C17orf75: variants seen among roughly 807,000 people sequenced by gnomAD.
C17orf75 encodes chromosome 17 open reading frame 75.
C17orf75 carries 32 observed loss-of-function variants against 49.6 expected under a neutral mutation model. That is an observed-to-expected ratio of 0.65 (90% CI 0.49 to 0.87). C17orf75 has a LOEUF of 0.87. Ranked by LOEUF, C17orf75 falls within the 40% of genes least tolerant of loss-of-function variation. The pLI is 0.00. For missense variants in C17orf75, 428 were observed against 473.9 expected (o/e 0.90, Z 0.90); for synonymous variants, 158 against 159.5 (o/e 0.99, Z 0.07).
Position 32,339,910 on chromosome 17 carries a change from A to G in C17orf75, c.250T>C (p.Ser84Pro). 6.2e-7 allele frequency: 1 copy of G among 1,614,018 alleles called. No individual in the cohort carries two copies. Among genetic ancestry groups the G allele is most frequent in the Non-Finnish European group, 8.5e-7 (1 of 1,179,878 alleles). Residue 84 changes from serine to proline, a missense_variant, in exon 3 of 10, where the codon TCC becomes CCC. Physicochemically the swap from Ser to Pro is moderately conservative, Grantham distance 74. Transcript: ENST00000577809. ...CTGCGCAGCTCTGGCTCCACTTCGG[A>G]TGGTAGATTAGTATCTGCCAAGGAG... is the stretch of plus-strand genomic sequence containing the variant. ...SLSLADTNLPSEVEPELRSFI... is the reference protein window; with the variant it reads ...SLSLADTNLPPEVEPELRSFI...
intron 6 of C17orf75, 40 bp downstream of exon 6, chr17:32,335,283 A>T (rs2041313689): frequency 6.2e-7 from 1 of 1,606,514 alleles, no homozygotes; most frequent in Non-Finnish European, 8.5e-7. Flanking sequence ...ATCCAAAGTG[A>T]TTCTCAGTTA....
upstream of C17orf75, chr17:32,343,576 G>A (rs895853173): frequency 2.5e-6 from 1 of 401,622 alleles, no homozygotes; most frequent in African/African-American, 2.1e-5. Context: ...TATCAAAGTG[G>A]ATAGCACAGT....
chr17:32,331,693 T>C lies in C17orf75; in HGVS notation c.*70A>G. 8.0e-7 allele frequency: 1 copy of C among 1,257,618 alleles called. No individual in the cohort carries two copies. Among genetic ancestry groups the C allele is most frequent in the Non-Finnish European group, 1.1e-6 (1 of 870,822 alleles). The allele number at this position is 1,257,618 out of a possible 1,614,324, so 77.9% of individuals were successfully genotyped here. A position where few individuals can be genotyped will look rare whatever the true frequency, so the allele number is the denominator to read the frequency against. ...CTTAAATAGCAATCCTATGAACAAT[T>C]ATAACTGCAATTTCAAACACTAAGA... On this transcript the variant is annotated 3_prime_UTR_variant, in exon 10 of 10. Transcript: ENST00000577809.
upstream of C17orf75, among the ~76,000 whole-genome samples, chr17:32,346,082 C>T (rs140870828): frequency 2.6e-5 from 4 of 152,068 alleles, no homozygotes; most frequent in Admixed American, 6.6e-5. Context: ...AATCCATGGC[C>T]GCATGGATCA....
upstream of C17orf75, among the ~76,000 whole-genome samples, chr17:32,345,592 A>G (rs1195881250): frequency 1.5e-3 from 208 of 135,114 alleles, no homozygotes; most frequent in Middle Eastern, 0.026. Context: ...AGCACTTTGG[A>G]AGGCTGAGGC....
At chr17:32,348,292 G>A (rs1363715146) in intron 1 of C17orf75, among the ~76,000 whole-genome samples, 1 of 151,960 alleles carries the variant, frequency 6.6e-6, no homozygotes, top group Non-Finnish European at 1.5e-5. Flanking sequence ...CACAGTGCTG[G>A]GATTACAGGT....
At chr17:32,348,164 T>G (rs995976982) in intron 1 of C17orf75, among the ~76,000 whole-genome samples, 4 of 151,910 alleles carry the variant, frequency 2.6e-5, no homozygotes, top group African/African-American at 9.7e-5. Context: ...ATTACAGGCG[T>G]GCCCCACCAC....
At chr17:32,349,948 C>A (rs758942546) in exon 1 of C17orf75, 61 of 1,132,888 alleles carry the variant, frequency 5.4e-5, no homozygotes, top group Non-Finnish European at 6.7e-5. Context: ...GTACCTGGGG[C>A]TCCGGCTCCT....
At chr17:32,349,087 A>G (rs939787225) in intron 1 of C17orf75, among the ~76,000 whole-genome samples, 5 of 150,384 alleles carry the variant, frequency 3.3e-5, no homozygotes, top group Admixed American at 3.3e-4. Context: ...GCTGGTCTCG[A>G]ACTCCTGACC....
Position 32,331,749 on chromosome 17 carries a change from C to A in C17orf75, c.*14G>T, listed in dbSNP as rs2041275511. On this transcript the variant is annotated 3_prime_UTR_variant, in exon 10 of 10. Transcript: ENST00000577809. ...ATATACAACTTGATCATACAATTAT[C>A]TCAAAACATATGATCAAAAACTTTG... The A allele has an allele frequency of 6.3e-7, 1 of 1,582,646 alleles. No homozygotes were observed. The highest frequency in any genetic ancestry group is 1.3e-5 in the African/African-American group (1 of 74,192).
upstream of C17orf75, among the ~76,000 whole-genome samples, chr17:32,346,074 T>C (rs922181217): frequency 6.6e-6 from 1 of 152,138 alleles, no homozygotes; most frequent in Non-Finnish European, 1.5e-5. Context: ...CCAGCTCTAA[T>C]CCATGGCCGC....
In C17orf75 at chr17:32,337,889, C is replaced by A; in HGVS notation, c.549+8G>T. ...AGTCTTTAAAAACCATTAAGTCAGTCACCTTACCTCACAATTCATGTTATT... is the reference window on the plus strand; with the variant it reads ...AGTCTTTAAAAACCATTAAGTCAGTAACCTTACCTCACAATTCATGTTATT... On this transcript the variant is annotated splice_region_variant and intron_variant, in intron 5 of 9. Coordinates refer to ENST00000577809, the MANE Select transcript of C17orf75 (RefSeq NM_022344.4). The A allele has an allele frequency of 1.2e-6, 2 of 1,600,784 alleles. No individual in the cohort carries two copies. Among genetic ancestry groups the A allele is most frequent in the South Asian group, 2.2e-5 (2 of 88,934 alleles).
chr17:32,334,322 T>C (rs1245442774), intron 8 of C17orf75, 147 bp downstream of exon 8: 1 of 1,048,810 alleles, frequency 9.5e-7, no homozygotes, highest in East Asian at 2.8e-5. Flanking sequence ...AGAATTATAT[T>C]GTTTTCACCA....
At chr17:32,343,180 C>T (rs369847987), upstream of C17orf75, among the ~76,000 whole-genome samples, 6 of 152,288 alleles carry the variant, frequency 3.9e-5, no homozygotes, top group East Asian at 1.2e-3. Context: ...AGATTCTCCC[C>T]TAGAGGCTTC....
At chr17:32,349,132 G>C (rs117536622) in intron 1 of C17orf75, among the ~76,000 whole-genome samples, 2,955 of 151,916 alleles carry the variant, frequency 0.019, 44 homozygotes, top group Middle Eastern at 0.034. Context: ...TTGGCCCATA[G>C]TGTTGGGATT....
At chr17:32,343,303 GTGT>G (rs1194940606), upstream of C17orf75, among the ~76,000 whole-genome samples, 3 of 140,002 alleles carry the variant, frequency 2.1e-5, no homozygotes, top group East Asian at 3.9e-4. Context: ...CGTGTGTTTT[GTGT>G]TTTTTTTTTT....
chr17:32,341,631 G>A (rs2041380766), intron 1 of C17orf75, among the ~76,000 whole-genome samples: 1 of 152,234 alleles, frequency 6.6e-6, no homozygotes, highest in South Asian at 2.1e-4. Flanking sequence ...GGGGGTGTGT[G>A]TGACAGAAAT....
intron 1 of C17orf75, among the ~76,000 whole-genome samples, chr17:32,347,687 G>T (rs568584849): frequency 6.6e-6 from 1 of 152,090 alleles, no homozygotes; most frequent in Non-Finnish European, 1.5e-5. Flanking sequence ...TTTGGTTGAG[G>T]CAAGAGAGAG....
Position 32,341,998 on chromosome 17 carries a change from A to G in C17orf75, c.140+2T>C. 1.4e-6 allele frequency: 2 copies of G among 1,457,472 alleles called. No homozygotes were observed. Among genetic ancestry groups the G allele is most frequent in the Non-Finnish European group, 1.8e-6 (2 of 1,102,050 alleles). 90.3% of individuals were successfully genotyped at this position (1,457,472 alleles called of 1,614,324 possible). A position where few individuals can be genotyped will look rare whatever the true frequency, so the allele number is the denominator to read the frequency against. On this transcript the variant is annotated splice_donor_variant, in intron 1 of 9. Transcript: ENST00000577809. LOFTEE classifies it high-confidence loss of function. ...CTGGCAGGCCGAGCTGGGCGCCAGC[A>G]CCTGCTTCCGCGATAGCTGTAAAGA...
Sources: allele counts gnomAD v4.1 joint callset (sites outside exome capture counted in the v4.1 genomes callset), GRCh38; gene constraint gnomAD v4.1.1; transcripts MANE v1.5; gene names NCBI Gene and HGNC (gene_info 2026-07-23, HGNC 2026-07-21).